The following SSC5D variants were observed in gnomAD, a reference collection of about 807,000 sequenced individuals.
The protein encoded by SSC5D is scavenger receptor cysteine rich family member with 5 domains, also known as soluble scavenger receptor cysteine-rich domain-containing protein SSC5D.
Under a neutral mutation model 104.6 loss-of-function variants are expected in SSC5D, and 106 were observed. The observed-to-expected ratio is 1.01, with a 90% CI of 0.87 to 1.19. SSC5D has a LOEUF of 1.19. Among genes scored for constraint, SSC5D ranks in the 50% most tolerant of loss-of-function variants. The probability of loss-of-function intolerance (pLI) is 0.00; values close to 1 mark genes in which losing one functional copy is unlikely to be tolerated. For missense variants in SSC5D, 1,993 were observed against 2,153.8 expected (o/e 0.93, Z 1.48); for synonymous variants, 860 against 883.5 (o/e 0.97, Z 0.47).
chr19:55,494,631 C>G lies in SSC5D; in HGVS notation c.1235C>G (p.Pro412Arg). The G allele has an allele frequency of 1.3e-6, 2 of 1,542,882 alleles. No individual in the cohort carries two copies. Among genetic ancestry groups the G allele is most frequent in the Non-Finnish European group, 1.8e-6 (2 of 1,141,888 alleles). The change falls in exon 8 of 14, where the codon CCT becomes CGT. Residue 412 changes from proline to arginine, a missense_variant. Pro to Arg is a moderately radical substitution (Grantham distance 103). This residue lies in a region of SSC5D where 1,101 missense variants were observed against 1,085.0 expected (regional missense o/e 1.01). Coordinates refer to ENST00000389623, the MANE Select transcript of SSC5D (RefSeq NM_001144950.2). The part of the protein sequence containing the change: ...VCDGMPLGYV[P>R]PTAPTDSNNS... ...ACAGGCATGCCCCTGGGCTACGTCC[C>G]TCCCACGGCCCCCACGGACAGCAAC...
intron 12 of SSC5D, among the ~76,000 whole-genome samples, chr19:55,508,072 G>C (rs1987677096): frequency 6.6e-6 from 1 of 152,118 alleles, no homozygotes; most frequent in South Asian, 2.1e-4. Flanking sequence ...GTGAGGTGGG[G>C]GCACAGCAGC....
intron 3 of SSC5D, 23 bp downstream of exon 3, chr19:55,489,685 T>C: frequency 1.3e-6 from 2 of 1,525,606 alleles, no homozygotes; most frequent in Non-Finnish European, 1.8e-6. Context: ...TGGCTGCTCC[T>C]TCAGGGGGAG....
Position 55,500,546 on chromosome 19 carries a change from G to C in SSC5D, c.2359G>C (p.Val787Leu), listed in dbSNP as rs1197671287. The C allele has an allele frequency of 2.6e-6, 4 of 1,551,620 alleles. No homozygotes were observed. The highest frequency in any genetic ancestry group is 3.5e-6 in the Non-Finnish European group (4 of 1,146,998). Reference protein sequence around the residue: ...GPNRCAGRLEVWHAGRWGTVC... With the variant: ...GPNRCAGRLELWHAGRWGTVC... ...CAACCGCTGTGCTGGCCGGCTGGAA[G>C]TGTGGCATGCCGGACGCTGGGGAAC... is the stretch of plus-strand genomic sequence containing the variant. The change falls in exon 11 of 14, where the codon GTG becomes CTG. Residue 787 changes from valine to leucine, a missense_variant. By Grantham distance (32) the Val-to-Leu change is conservative. This residue lies in a region of SSC5D where 70 missense variants were observed against 107.1 expected (regional missense o/e 0.65). Coordinates refer to ENST00000389623, the MANE Select transcript of SSC5D (RefSeq NM_001144950.2). The surrounding 1 kb of genome is among the most constrained non-coding windows in gnomAD (Gnocchi z 4.6).
chr19:55,491,724 G>T (rs66794933), intron 6 of SSC5D: 21,987 of 152,414 alleles, frequency 0.14, 1,912 homozygotes, highest in African/African-American at 0.22. Flanking sequence ...AGCAAACAGC[G>T]GTTGGGGGGT....
In SSC5D at chr19:55,503,213, T is replaced by A. The variant is rs1277681288; in HGVS notation, c.2785+2012T>A. Among the ~76,000 whole-genome samples the A allele has an allele frequency of 6.6e-6, 1 of 152,180 alleles. No homozygotes were observed. Among genetic ancestry groups the A allele is most frequent in the Admixed American group, 6.6e-5 (1 of 15,264 alleles). ...GCTGCGGCCTCCCAAAGTGCTGGAA[T>A]TGCAGGCGGGAGCCACTGGGCCCAA... On this transcript the variant is annotated intron_variant, in intron 12 of 13. Transcript: ENST00000389623. This position sits in a 1 kb window ranked among gnomAD's most constrained non-coding sequence, Gnocchi z 4.0.
intron 12 of SSC5D, among the ~76,000 whole-genome samples, chr19:55,511,048 G>A (rs1431160835): frequency 6.6e-6 from 1 of 152,138 alleles, no homozygotes; most frequent in Non-Finnish European, 1.5e-5. Context: ...CAAAGTGCTG[G>A]GATTACAGGC....
intron 2 of SSC5D, 129 bp from the exon 3 acceptor site, chr19:55,489,224 AG>A: frequency 8.8e-7 from 1 of 1,138,188 alleles, no homozygotes; most frequent in Non-Finnish European, 1.2e-6. Flanking sequence ...GTCTGGGCCC[AG>A]GGGCCAGTGA....
In SSC5D at chr19:55,499,804, C is replaced by T. The variant is rs1488464335; in HGVS notation, c.1706-12C>T. ...GTCTCTGTCTTCTCTTCCTGCCCCA[C>T]TCACCTTCCAGGGCCCCCAGGCCTG... On this transcript the variant is annotated splice_polypyrimidine_tract_variant and intron_variant, in intron 9 of 13. Coordinates refer to ENST00000389623, the MANE Select transcript of SSC5D (RefSeq NM_001144950.2). 7 of 1,546,836 alleles carry T rather than the reference C, an allele frequency of 4.5e-6. No individual in the cohort carries two copies. Among genetic ancestry groups the T allele is most frequent in the East Asian group, 2.5e-5 (1 of 40,806 alleles).
Position 55,517,691 on chromosome 19 carries a change from T to A in SSC5D, c.3415T>A (p.Tyr1139Asn), listed in dbSNP as rs1382502711. The A allele has an allele frequency of 1.3e-6, 2 of 1,551,178 alleles. No individual in the cohort carries two copies. Among genetic ancestry groups the A allele is most frequent in the Admixed American group, 2.0e-5 (1 of 50,880 alleles). ...TCCATACTCCAGTACAGTCTCAGAA[T>A]ATTCTAGATCCCCAGACCCCTCCCC... is the stretch of plus-strand genomic sequence containing the variant. ...TTPYSSTVSE[Y>N]SRSPDPSPSP... is the part of the protein sequence containing the mutation. The change falls in exon 14 of 14, where the codon TAT becomes AAT. Residue 1139 changes from tyrosine to asparagine, a missense_variant. This residue lies in a region of SSC5D where 423 missense variants were observed against 409.2 expected (regional missense o/e 1.03). Coordinates refer to ENST00000389623, the MANE Select transcript of SSC5D (RefSeq NM_001144950.2).
At chr19:55,490,625 G>T (rs1987112731) in intron 5 of SSC5D, 147 bp from the exon 6 acceptor site, 24 of 948,642 alleles carry the variant, frequency 2.5e-5, no homozygotes, top group Non-Finnish European at 3.7e-5. Flanking sequence ...GCCCGCTCAG[G>T]TCGTGGACTC....
intron 12 of SSC5D, among the ~76,000 whole-genome samples, chr19:55,504,792 C>T (rs1472014741): frequency 6.6e-6 from 1 of 152,100 alleles, no homozygotes; most frequent in Non-Finnish European, 1.5e-5. Context: ...CCACCGCGCC[C>T]GGCCACCTGT....
In SSC5D at chr19:55,488,631, C is replaced by G; in HGVS notation, c.25+17C>G. ...GCCTCCTTGGTGAGTGATCCATTCT[C>G]CTTGGGGACTCGGGGGGCCTAGGCC... On this transcript the variant is annotated intron_variant, in intron 1 of 13. Coordinates refer to ENST00000389623, the MANE Select transcript of SSC5D (RefSeq NM_001144950.2). 6.5e-7 allele frequency: 1 copy of G among 1,549,784 alleles called. No individual in the cohort carries two copies. The highest frequency in any genetic ancestry group is 1.2e-5 in the South Asian group (1 of 84,004).
At chr19:55,489,157 C>T (rs1276844405) in intron 2 of SSC5D, 125 bp downstream of exon 2, 1 of 970,462 alleles carries the variant, frequency 1.0e-6, no homozygotes, top group Non-Finnish European at 1.5e-6. Context: ...GACCTTGGCC[C>T]CAGCTCCGCA....
rs562533274 is a variant in SSC5D, at chr19:55,491,079, C to A, written c.894C>A (p.Thr298=). 1.3e-6 allele frequency: 2 copies of A among 1,547,806 alleles called. No individual in the cohort carries two copies. Among genetic ancestry groups the A allele is most frequent in the Admixed American group, 2.0e-5 (1 of 50,526 alleles). Residue 298 remains threonine (T), a splice_region_variant and synonymous_variant, in exon 6 of 14, where the codon ACC becomes ACA. Transcript: ENST00000389623. ...GCGAGGATGCGGGGCTGGTCTGCAC[C>A]GGTACGTCGGGCTGGGGCCTGGCCC... The part of the protein sequence containing the change: ...DHSEDAGLVC[T]GPAPRLRLAD...
At chr19:55,494,915 G>A in intron 8 of SSC5D, 132 bp downstream of exon 8, 1 of 1,081,806 alleles carries the variant, frequency 9.2e-7, no homozygotes, top group South Asian at 1.8e-5. Flanking sequence ...GCCTCGCCCA[G>A]GACACTGAGC....
chr19:55,499,985 T>C lies in SSC5D; in HGVS notation c.1875T>C (p.Pro625=). 1 of 1,551,808 alleles carries C rather than the reference T, an allele frequency of 6.4e-7. No homozygotes were observed. Among genetic ancestry groups the C allele is most frequent in the South Asian group, 1.2e-5 (1 of 84,052 alleles). ...CCACGAAGGCCCCAGGGAAAATGCC[T>C]AAGAGTACTAAGAAGTGGGTGACAA... ...KTTTKAPGKM[P]KSTKKWVTKN... The change falls in exon 10 of 14, where the codon CCT becomes CCC. Residue 625 remains proline, a synonymous_variant. Coordinates refer to ENST00000389623, the MANE Select transcript of SSC5D (RefSeq NM_001144950.2).
rs1220878502 is a variant in SSC5D, at chr19:55,499,995, A to G, written c.1885A>G (p.Lys629Glu). ...CCCAGGGAAAATGCCTAAGAGTACT[A>G]AGAAGTGGGTGACAAAAAATGCAAA... Reference protein sequence around the residue: ...KAPGKMPKSTKKWVTKNAKRP... With the variant: ...KAPGKMPKSTEKWVTKNAKRP... The change falls in exon 10 of 14, where the codon AAG becomes GAG. Residue 629 changes from lysine to glutamate, a missense_variant. Lys to Glu is a moderately conservative substitution (Grantham distance 56, BLOSUM62 1). This residue lies in a region of SSC5D where 1,101 missense variants were observed against 1,085.0 expected (regional missense o/e 1.01). Transcript: ENST00000389623. 2 of 1,551,756 alleles carry G rather than the reference A, an allele frequency of 1.3e-6. No homozygotes were observed. The highest frequency in any genetic ancestry group is 2.7e-5 in the African/African-American group (2 of 72,988).
intron 3 of SSC5D, 59 bp from the exon 4 acceptor site, chr19:55,489,823 C>CA: frequency 6.6e-7 from 1 of 1,506,086 alleles, no homozygotes; most frequent in Non-Finnish European, 9.0e-7. Context: ...TCCAGGGACC[C>CA]AAATGGCCTG....
In SSC5D at chr19:55,517,215, C is replaced by T. The variant is rs1271711913; in HGVS notation, c.2948-9C>T. ...TCAGACCGTCCGTCTGTCTTTCCTC[C>T]TCCTCCAGGTTCCCCGAGGAAACCG... On this transcript the variant is annotated splice_polypyrimidine_tract_variant and intron_variant, in intron 13 of 13. Transcript: ENST00000389623. 1.3e-6 allele frequency: 2 copies of T among 1,534,020 alleles called. No homozygotes were observed. Among genetic ancestry groups the T allele is most frequent in the African/African-American group, 1.4e-5 (1 of 72,882 alleles).
Sources: allele counts gnomAD v4.1 joint callset (sites outside exome capture counted in the v4.1 genomes callset), GRCh38; gene constraint gnomAD v4.1.1; regional missense constraint gnomAD v4.1.1; non-coding constraint Gnocchi (gnomAD v3.1); transcripts MANE v1.5; gene names NCBI Gene and HGNC (gene_info 2026-07-23, HGNC 2026-07-21).